Variants in ILDR1 observed in about 807,000 individuals in gnomAD.
ILDR1 encodes the protein immunoglobulin like domain containing receptor 1.
A neutral mutation model predicts 62.4 loss-of-function variants in ILDR1; 56 were observed. That is an observed-to-expected ratio of 0.90 (90% CI 0.72 to 1.12). The LOEUF (loss-of-function observed/expected upper bound fraction) is 1.12, where lower values mean the gene tolerates loss of function less well. Among genes scored for constraint, ILDR1 ranks in the 50% most tolerant of loss-of-function variants. The pLI, the probability that ILDR1 is intolerant of heterozygous loss-of-function variation, is 0.00. For synonymous variants in ILDR1, 284 were observed against 277.8 expected (o/e 1.02, Z -0.22); for missense variants, 736 against 710.6 (o/e 1.04, Z -0.41).
intron 3 of ILDR1, 53 bp from the exon 4 acceptor site, chr3:122,001,917 T>C: frequency 1.2e-6 from 2 of 1,606,554 alleles, no homozygotes; most frequent in Non-Finnish European, 1.7e-6. Flanking sequence ...AGCACTGGTT[T>C]CTAACCCATG....
chr3:122,046,999 A>C, the ILDR1 span, among the ~76,000 whole-genome samples: 19 of 145,628 alleles, frequency 1.3e-4, no homozygotes, highest in Admixed American at 4.1e-4. Flanking sequence ...GGCGCTCTGC[A>C]TTTTAGAGTT....
chr3:122,029,690 G>A, the ILDR1 span, among the ~76,000 whole-genome samples: 1 of 151,692 alleles, frequency 6.6e-6, no homozygotes, highest in African/African-American at 2.4e-5. Context: ...TTAAATTTAG[G>A]TGATATAAGA....
intron 1 of ILDR1, among the ~76,000 whole-genome samples, chr3:122,020,835 A>G (rs2071844259): frequency 1.3e-5 from 2 of 152,166 alleles, no homozygotes; most frequent in South Asian, 4.1e-4. Flanking sequence ...GACAGTTTCT[A>G]GGGTCTATAT....
chr3:122,007,063 G>A lies in ILDR1; in HGVS notation c.157C>T (p.Leu53Phe), dbSNP rs1211482454. 1 of 1,614,130 alleles carries A rather than the reference G, an allele frequency of 6.2e-7. No individual in the cohort carries two copies. Among genetic ancestry groups the A allele is most frequent in the South Asian group, 1.1e-5 (1 of 91,074 alleles). ...LKCDYTTSAQLQDVVVTWRFK... is the reference protein window; with the variant it reads ...LKCDYTTSAQFQDVVVTWRFK... ...CGCCATGTCACCACCACGTCCTGGA[G>A]CTGGGCAGAGGTGGTGTAGTCACAT... The change falls in exon 2 of 8, where the codon CTC becomes TTC. Residue 53 changes from leucine to phenylalanine, a missense_variant. Transcript: ENST00000344209.
At chr3:122,012,534 GT>G (rs1239287715) in intron 1 of ILDR1, among the ~76,000 whole-genome samples, 2 of 152,164 alleles carry the variant, frequency 1.3e-5, no homozygotes, top group Non-Finnish European at 1.5e-5. Context: ...GTCAACATTA[GT>G]TGCTGGGGGT....
At position 122,022,237 on chromosome 3, in the gene ILDR1, A is replaced by G. The variant is rs1421460964; in HGVS notation, c.-160T>C. 3 of 606,696 alleles carry G rather than the reference A, an allele frequency of 4.9e-6. No homozygotes were observed. Among genetic ancestry groups the G allele is most frequent in the Non-Finnish European group, 8.3e-6 (3 of 363,260 alleles). 37.6% of individuals were successfully genotyped at this position (606,696 alleles called of 1,614,324 possible). A position where few individuals can be genotyped will look rare whatever the true frequency, so the allele number is the denominator to read the frequency against. ...GGAGCGTCCGCTCTGGTCCCGGGGC[A>G]GGTGCCGCCCGGCTCGTCCCCACCT... On this transcript the variant is annotated 5_prime_UTR_variant, in exon 1 of 8. Transcript: ENST00000344209.
the ILDR1 span, among the ~76,000 whole-genome samples, chr3:122,054,133 C>T: frequency 6.6e-6 from 1 of 152,154 alleles, no homozygotes; most frequent in Non-Finnish European, 1.5e-5. Flanking sequence ...CTCTAGTTAG[C>T]AGTGATGTCA....
the ILDR1 span, among the ~76,000 whole-genome samples, chr3:122,036,370 A>G: frequency 6.6e-6 from 1 of 152,184 alleles, no homozygotes; most frequent in African/African-American, 2.4e-5. Context: ...TGGGCAGATC[A>G]CAAGGTCAGG....
At chr3:122,012,149 T>C (rs894147013) in intron 1 of ILDR1, among the ~76,000 whole-genome samples, 1 of 152,140 alleles carries the variant, frequency 6.6e-6, no homozygotes, top group Admixed American at 6.5e-5. Flanking sequence ...TCTGTAAACC[T>C]AACCACACTG....
At chr3:122,024,649 T>C (rs1219793075), upstream of ILDR1, among the ~76,000 whole-genome samples, 1 of 152,250 alleles carries the variant, frequency 6.6e-6, no homozygotes, top group Non-Finnish European at 1.5e-5. Flanking sequence ...ACATGCTTTA[T>C]TTAATTAAAG....
At chr3:121,997,381 C>T (rs2071452283) in intron 5 of ILDR1, among the ~76,000 whole-genome samples, 1 of 152,200 alleles carries the variant, frequency 6.6e-6, no homozygotes, top group South Asian at 2.1e-4. Context: ...CTTCTGGGTC[C>T]CAACCAGGCA....
chr3:121,999,510 G>A (rs913505390), intron 5 of ILDR1, among the ~76,000 whole-genome samples: 1 of 152,128 alleles, frequency 6.6e-6, no homozygotes, highest in Non-Finnish European at 1.5e-5. Flanking sequence ...TTATAGCTCT[G>A]TTTTAAAGGA....
At chr3:122,018,404 G>T (rs1367285848) in intron 1 of ILDR1, among the ~76,000 whole-genome samples, 5 of 117,446 alleles carry the variant, frequency 4.3e-5, no homozygotes, top group South Asian at 3.4e-4. Context: ...TGGGGGGGGG[G>T]TAGGGGAGGG....
intron 5 of ILDR1, among the ~76,000 whole-genome samples, chr3:121,994,779 G>T (rs1355516030): frequency 6.6e-6 from 1 of 152,206 alleles, no homozygotes. Flanking sequence ...AAAAGGGAAG[G>T]GCATGATACT....
chr3:122,006,922 A>G (rs1000322256), intron 2 of ILDR1, 69 bp downstream of exon 2: 10 of 1,510,846 alleles, frequency 6.6e-6, no homozygotes, highest in Non-Finnish European at 9.0e-6. Flanking sequence ...ATAATCCCTC[A>G]ACCCTAACCG....
At chr3:122,042,918 AATTAGAT>A in the ILDR1 span, among the ~76,000 whole-genome samples, 1 of 151,306 alleles carries the variant, frequency 6.6e-6, no homozygotes, top group Non-Finnish European at 1.5e-5. Flanking sequence ...TCTTTAGTTT[AATTAGAT>A]CCCATTTGTC....
the ILDR1 span, among the ~76,000 whole-genome samples, chr3:122,057,443 G>GTGTT: frequency 9.9e-5 from 15 of 152,132 alleles, no homozygotes; most frequent in Admixed American, 7.9e-4. Context: ...AATTCATAAT[G>GTGTT]TGTTTAGTTA....
At chr3:122,038,008 C>A in the ILDR1 span, among the ~76,000 whole-genome samples, 2 of 152,038 alleles carry the variant, frequency 1.3e-5, no homozygotes, top group Non-Finnish European at 2.9e-5. Context: ...CTTGCTCCTC[C>A]TTCACCTTCT....
upstream of ILDR1, among the ~76,000 whole-genome samples, chr3:122,023,053 G>A (rs1008167746): frequency 3.3e-5 from 5 of 150,530 alleles, no homozygotes; most frequent in Non-Finnish European, 7.4e-5. Flanking sequence ...AAAGTTATGG[G>A]AGTTTAAAAA....
Sources: gnomAD v4.1 joint callset for allele counts (sites outside exome capture counted in the v4.1 genomes callset) on GRCh38, gnomAD v4.1.1 for gene constraint, MANE v1.5 for transcripts, NCBI Gene and HGNC (gene_info 2026-07-23, HGNC 2026-07-21) for gene names.